Variants in COCH observed in about 807,000 individuals in gnomAD.
The protein encoded by COCH is coagulation factor C homolog, cochlin (Limulus polyphemus).
COCH carries 40 observed loss-of-function variants against 54.8 expected under a neutral mutation model. The ratio of observed to expected loss-of-function variants is 0.73; its 90% CI spans 0.57 to 0.95. The LOEUF (loss-of-function observed/expected upper bound fraction) is 0.95. COCH is among the 40% of genes least tolerant of loss of function. The pLI is 0.00. For missense variants in COCH, 605 were observed against 675.0 expected, an observed-to-expected ratio of 0.90 and a Z score of 1.15; for synonymous variants, 256 against 237.9, an observed-to-expected ratio of 1.08 and a Z score of -0.70.
At chr14:30,886,391 A>G in intron 11 of COCH, 79 bp downstream of exon 11, 1 of 1,461,336 alleles carries the variant, frequency 6.8e-7, no homozygotes, top group Non-Finnish European at 9.5e-7. Flanking sequence ...AAATTTAAGC[A>G]TTTATTTCAT....
In COCH at chr14:30,884,581, A is replaced by C; in HGVS notation, c.658A>C (p.Lys220Gln). The C allele has an allele frequency of 6.2e-7, 1 of 1,613,658 alleles. No individual in the cohort carries two copies. The highest frequency in any genetic ancestry group is 8.5e-7 in the Non-Finnish European group (1 of 1,179,676). ...ACATCCCAAAATAGAATTTTACTTG[A>C]AAAACTTTACATCAGCCAAAGATGT... is the stretch of plus-strand genomic sequence containing the variant. The part of the protein sequence containing the change: ...SEHPKIEFYL[K>Q]NFTSAKDVLF... Residue 220 changes from lysine (K) to glutamine (Q), a missense_variant, in exon 9 of 12, where the codon AAA becomes CAA. Lys to Gln is a moderately conservative substitution (Grantham distance 53, BLOSUM62 1). Coordinates refer to ENST00000396618, the MANE Select transcript of COCH (RefSeq NM_004086.3).
At chr14:30,885,277 C>T in intron 9 of COCH, 117 bp from the exon 10 acceptor site, 1 of 1,001,000 alleles carries the variant, frequency 1.0e-6, no homozygotes, top group Non-Finnish European at 1.5e-6. Flanking sequence ...TGTGCCCCGC[C>T]CCACTGCCAG....
intron 11 of COCH, among the ~76,000 whole-genome samples, chr14:30,886,642 C>T (rs1398255876): frequency 2.0e-5 from 3 of 152,170 alleles, no homozygotes; most frequent in Non-Finnish European, 4.4e-5. Context: ...AATTAAGGTG[C>T]TCATATTTAG....
chr14:30,886,353 AC>A (rs1280755609), intron 11 of COCH, 41 bp downstream of exon 11: 4 of 1,609,356 alleles, frequency 2.5e-6, no homozygotes, highest in Non-Finnish European at 3.4e-6. Context: ...AACAGAAAAA[AC>A]GGTTCAGTGA....
At position 30,880,841 on chromosome 14, in the gene COCH, A is replaced by G. The variant is rs1895554694; in HGVS notation, c.629+107A>G. On this transcript the variant is annotated intron_variant, in intron 8 of 11. Transcript: ENST00000396618. The stretch of plus-strand genomic sequence containing the variant: ...TACATAGTGATGTTTTCATACATAC[A>G]ATGTATAGTGGTCAAATCAGAGTAA... 3 of 822,190 alleles carry G rather than the reference A, an allele frequency of 3.6e-6. No homozygotes were observed. In the Admixed American group the frequency reaches 5.7e-5, roughly 16 times the overall value. 50.9% of individuals were successfully genotyped at this position (822,190 alleles called of 1,614,324 possible).
At chr14:30,894,893 CTTTTTT>C (rs34255465), downstream of COCH, 14 of 741,878 alleles carry the variant, frequency 1.9e-5, no homozygotes, top group Non-Finnish European at 2.3e-5. Context: ...TTTTCTTTTT[CTTTTTT>C]TTTTTTTTTA....
At position 30,886,412 on chromosome 14, in the gene COCH, C is replaced by T; in HGVS notation, c.1477+100C>T. The T allele has an allele frequency of 3.1e-6, 4 of 1,283,066 alleles. No homozygotes were observed. The African/African-American group carries it at 4.4e-5, about 14-fold the overall frequency. 79.5% of individuals were successfully genotyped at this position (1,283,066 alleles called of 1,614,324 possible). On this transcript the variant is annotated intron_variant, in intron 11 of 11. Coordinates refer to ENST00000396618, the MANE Select transcript of COCH (RefSeq NM_004086.3). The stretch of plus-strand genomic sequence containing the variant: ...AAGCATTTATTTCATTAAACAAACA[C>T]CTGTGGCTTTACCCAATATTAACTG...
At chr14:30,894,714 A>G, downstream of COCH, 1 of 176,668 alleles carries the variant, frequency 5.7e-6, no homozygotes, top group Non-Finnish European at 1.2e-5. Flanking sequence ...AAGTGGTTAC[A>G]GGGCAACGGG....
rs28362785 is a variant in COCH, at chr14:30,889,414, G to GAGTT, written c.1478-201_1478-198dup. On this transcript the variant is annotated intron_variant, in intron 11 of 11. Transcript: ENST00000396618. ...AATGTGGCGAATTACAGATATAGCAGAGTTTCTGGTTTGGACCACTCTTTT... is the reference window on the plus strand; with the variant it reads ...AATGTGGCGAATTACAGATATAGCAGAGTTAGTTTCTGGTTTGGACCACTCTTTT... The GAGTT allele has an allele frequency of 7.5e-3, 4,287 of 571,864 alleles. 138 individuals are homozygous for GAGTT. The highest frequency in any genetic ancestry group is 0.072 in the African/African-American group (3,860 of 53,310). The allele number at this position is 571,864 out of a possible 1,614,324, so 35.4% of individuals were successfully genotyped here.
In COCH at chr14:30,885,637, TA is replaced by T. The variant is rs756651532; in HGVS notation, c.960+18del. The T allele has an allele frequency of 9.2e-5, 141 of 1,524,906 alleles. No individual in the cohort carries two copies. The highest frequency in any genetic ancestry group is 1.2e-4 in the Non-Finnish European group (134 of 1,098,878). The allele number at this position is 1,524,906 out of a possible 1,614,324, so 94.5% of individuals were successfully genotyped here. ...GTTGACAAGGTAAAGTGGTGAGGGT[TA>T]TCTTCTGTTACAGTGATGGGTATTC... is the stretch of plus-strand genomic sequence containing the variant. On this transcript the variant is annotated intron_variant, in intron 10 of 11. Transcript: ENST00000396618.
At chr14:30,893,052 G>A (rs990418920), downstream of COCH, among the ~76,000 whole-genome samples, 16 of 150,540 alleles carry the variant, frequency 1.1e-4, 1 homozygote, top group African/African-American at 3.9e-4. Context: ...TCAAAATATT[G>A]TTTAACATTA....
chr14:30,890,357 T>TC lies in COCH; in HGVS notation c.*567dup, dbSNP rs1373903986. On this transcript the variant is annotated 3_prime_UTR_variant, in exon 12 of 12. Coordinates refer to ENST00000396618, the MANE Select transcript of COCH (RefSeq NM_004086.3). ...ATCAAACTGCTTTTGTAGTGTGTTT[T>TC]CATAACAACTTATGACTAAAAATAT... The TC allele has an allele frequency of 1.0e-5, 10 of 985,414 alleles. No homozygotes were observed. Among genetic ancestry groups the TC allele is most frequent in the Non-Finnish European group, 1.2e-5 (10 of 830,002 alleles). 61.0% of individuals were successfully genotyped at this position (985,414 alleles called of 1,614,324 possible).
chr14:30,882,868 AAC>A (rs1482490639), intron 8 of COCH, among the ~76,000 whole-genome samples: 2 of 152,206 alleles, frequency 1.3e-5, no homozygotes, highest in Admixed American at 1.3e-4. Context: ...CAGCCTGGAC[AAC>A]AGAGAAAGAC....
chr14:30,880,530 A>G (rs764041213), intron 7 of COCH, 34 bp downstream of exon 7: 9 of 1,614,008 alleles, frequency 5.6e-6, no homozygotes, highest in Non-Finnish European at 6.8e-6. Context: ...GGAAGGTAGC[A>G]TTTTCCCTCC....
At chr14:30,876,975 A>T (rs528615085) in intron 3 of COCH, among the ~76,000 whole-genome samples, 90 of 146,458 alleles carry the variant, frequency 6.1e-4, no homozygotes, top group Admixed American at 1.8e-3. Context: ...TTTAAAAAAA[A>T]TTTTTTTTTT....
Position 30,885,490 on chromosome 14 carries a change from G to C in COCH, c.830G>C (p.Trp277Ser). Residue 277 changes from tryptophan to serine, a missense_variant, in exon 10 of 12, where the codon TGG (tryptophan) becomes TCG (serine). Transcript: ENST00000396618. Reference sequence around the variant, plus strand: ...GTGGTGGTGGTATTTATTGATGGTTGGCCTTCTGATGACATCGAGGAAGCA... The same window carrying C: ...GTGGTGGTGGTATTTATTGATGGTTCGCCTTCTGATGACATCGAGGAAGCA... ...PKVVVVFIDG[W>S]PSDDIEEAGI... 6.2e-7 allele frequency: 1 copy of C among 1,613,806 alleles called. No homozygotes were observed. Among genetic ancestry groups the C allele is most frequent in the Non-Finnish European group, 8.5e-7 (1 of 1,179,678 alleles).
At chr14:30,892,399 A>AG (rs1440150764), downstream of COCH, among the ~76,000 whole-genome samples, 1 of 152,224 alleles carries the variant, frequency 6.6e-6, no homozygotes, top group Non-Finnish European at 1.5e-5. Context: ...GCTTTGGAAA[A>AG]GCTTATTCTT....
At chr14:30,882,388 C>G (rs1255727586) in intron 8 of COCH, among the ~76,000 whole-genome samples, 4 of 151,840 alleles carry the variant, frequency 2.6e-5, no homozygotes, top group African/African-American at 4.8e-5. Context: ...CCTCGGACTC[C>G]CAAAGTGCTA....
At chr14:30,895,335 T>C, downstream of COCH, 1 of 1,432,574 alleles carries the variant, frequency 7.0e-7, no homozygotes, top group Non-Finnish European at 9.3e-7. Context: ...GTCATATCAG[T>C]AACCTTTCTG....
Sources: allele counts gnomAD v4.1 joint callset (sites outside exome capture counted in the v4.1 genomes callset), GRCh38; gene constraint gnomAD v4.1.1; transcripts MANE v1.5; gene names NCBI Gene and HGNC (gene_info 2026-07-23, HGNC 2026-07-21).